Variants in SNTG1 observed in about 807,000 individuals in gnomAD.
SNTG1 encodes the protein syntrophin gamma 1.
In SNTG1, 39 loss-of-function variants were observed where a neutral mutation model predicts 74.7. The ratio of observed to expected loss-of-function variants is 0.52; its 90% CI spans 0.40 to 0.68. The LOEUF (loss-of-function observed/expected upper bound fraction) is 0.68, where lower values mean the gene tolerates loss of function less well. Among genes scored for constraint, SNTG1 ranks in the 30% least tolerant of loss-of-function variants. The pLI is 0.00. For missense variants in SNTG1, 685 were observed against 609.5 expected, an observed-to-expected ratio of 1.12 and a Z score of -1.30; for synonymous variants, 254 against 217.1, an observed-to-expected ratio of 1.17 and a Z score of -1.49.
intron 1 of SNTG1, among the ~76,000 whole-genome samples, chr8:49,924,466 A>G (rs1305811003): frequency 6.6e-6 from 1 of 152,144 alleles, no homozygotes; most frequent in Non-Finnish European, 1.5e-5. Context: ...AATGCAGTAA[A>G]AATTTGTTTT....
intron 15 of SNTG1, among the ~76,000 whole-genome samples, chr8:50,686,878 G>A (rs1187735772): frequency 6.6e-6 from 1 of 152,014 alleles, no homozygotes; most frequent in Non-Finnish European, 1.5e-5. Context: ...GCTCACGCCT[G>A]TAATCCCAGC....
At chr8:50,145,306 A>G (rs1178942934) in intron 1 of SNTG1, among the ~76,000 whole-genome samples, 1 of 152,196 alleles carries the variant, frequency 6.6e-6, no homozygotes, top group Non-Finnish European at 1.5e-5. Flanking sequence ...AAATCTATAT[A>G]CAAATATATA....
At chr8:50,133,228 A>T (rs1276763666) in intron 1 of SNTG1, among the ~76,000 whole-genome samples, 1 of 152,168 alleles carries the variant, frequency 6.6e-6, no homozygotes, top group African/African-American at 2.4e-5. Context: ...CTGACACTTT[A>T]TACCAAGTAT....
intron 9 of SNTG1, among the ~76,000 whole-genome samples, chr8:50,507,036 T>C (rs1185744789): frequency 1.3e-5 from 2 of 152,254 alleles, no homozygotes; most frequent in East Asian, 3.9e-4. Flanking sequence ...TGTGAAAATA[T>C]TGAATTTGGC....
rs143549361 is a variant in SNTG1, at chr8:50,247,727, T to A, written c.-28+75092T>A. 3.9e-5 allele frequency among the ~76,000 whole-genome samples: 6 copies of A among 152,138 alleles called. No individual in the cohort carries two copies. The East Asian group carries it at 1.2e-3, about 29-fold the overall frequency. On this transcript the variant is annotated intron_variant, in intron 2 of 18. Transcript: ENST00000642720. ...TTTGTAGAGACTGGGTCTTGTCACG[T>A]TGCCCAGACTGGTCTTGAAGTCCTG... is the stretch of plus-strand genomic sequence containing the variant.
chr8:50,704,028 T>C (rs954503518), intron 15 of SNTG1, among the ~76,000 whole-genome samples: 2 of 152,222 alleles, frequency 1.3e-5, no homozygotes, highest in African/African-American at 2.4e-5. Flanking sequence ...AGTTGAAAAC[T>C]TCTGGTAAGA....
intron 1 of SNTG1, among the ~76,000 whole-genome samples, chr8:50,055,915 G>A (rs1472899268): frequency 1.3e-5 from 2 of 152,022 alleles, no homozygotes; most frequent in African/African-American, 4.8e-5. Flanking sequence ...ATATGTTGCT[G>A]TCTTTTTATT....
At chr8:50,030,080 T>G (rs2130746793) in intron 1 of SNTG1, among the ~76,000 whole-genome samples, 1 of 152,302 alleles carries the variant, frequency 6.6e-6, no homozygotes, top group Admixed American at 6.5e-5. Context: ...AGTTTTCTTT[T>G]GCATTTCTCT....
At chr8:50,706,142 A>G (rs1040424768) in intron 16 of SNTG1, among the ~76,000 whole-genome samples, 3 of 152,188 alleles carry the variant, frequency 2.0e-5, no homozygotes, top group African/African-American at 7.2e-5. Flanking sequence ...GAAAACTCCA[A>G]TTATAGTTTT....
intron 13 of SNTG1, among the ~76,000 whole-genome samples, chr8:50,602,822 T>C (rs1601126): frequency 0.83 from 126,400 of 151,868 alleles, 53,141 homozygotes; most frequent in African/African-American, 0.94. Flanking sequence ...TTAAACATGC[T>C]GTGCTAGCCT....
Position 50,701,620 on chromosome 8 carries a change from T to TCTTCTTCTTCTTCTTCTTCTTCC in SNTG1, c.1039-2980_1039-2979insCTTCTTCTTCTTCTTCTTCTTCC, listed in dbSNP as rs1322898761. On this transcript the variant is annotated intron_variant, in intron 15 of 18. Transcript: ENST00000642720. ...TTCTTCTTCTTCTTCTTCTTCTTCGTGTTCCTCTTCCTCTTCTTCTTCCTC... is the reference window on the plus strand; with the variant it reads ...TTCTTCTTCTTCTTCTTCTTCTTCGTCTTCTTCTTCTTCTTCTTCTTCCGTTCCTCTTCCTCTTCTTCTTCCTC... Among the ~76,000 whole-genome samples the TCTTCTTCTTCTTCTTCTTCTTCC allele has an allele frequency of 4.6e-5, 4 of 86,372 alleles. No homozygotes were observed. In the East Asian group the frequency reaches 1.4e-3, roughly 30 times the overall value. The allele number at this position is 86,372 out of a possible 152,430, so 56.7% of individuals were successfully genotyped here.
intron 8 of SNTG1, among the ~76,000 whole-genome samples, chr8:50,476,857 GACACACAC>G (rs59121229): frequency 6.9e-6 from 1 of 145,858 alleles, no homozygotes; most frequent in African/African-American, 2.5e-5. Flanking sequence ...GACACACACA[GACACACAC>G]ACACACACAC....
chr8:50,061,035 G>A (rs997043255), intron 1 of SNTG1, among the ~76,000 whole-genome samples: 1 of 152,014 alleles, frequency 6.6e-6, no homozygotes, highest in Non-Finnish European at 1.5e-5. Flanking sequence ...TCTGTCTTTG[G>A]TGTTGCTACC....
intron 12 of SNTG1, among the ~76,000 whole-genome samples, chr8:50,585,883 C>T (rs1236406903): frequency 6.6e-6 from 1 of 152,112 alleles, no homozygotes; most frequent in Non-Finnish European, 1.5e-5. Flanking sequence ...TTGCCAGTAT[C>T]TTTATATTGA....
At chr8:50,150,190 T>C (rs529645573) in intron 1 of SNTG1, among the ~76,000 whole-genome samples, 3 of 152,326 alleles carry the variant, frequency 2.0e-5, no homozygotes, top group African/African-American at 7.2e-5. Flanking sequence ...TTTGGTTCTC[T>C]GTTTGTCTGT....
intron 2 of SNTG1, among the ~76,000 whole-genome samples, chr8:50,345,299 A>G (rs1331449608): frequency 2.0e-5 from 3 of 152,192 alleles, no homozygotes; most frequent in Admixed American, 1.3e-4. Flanking sequence ...TTACTAGCCC[A>G]TAGATATTCT....
chr8:50,364,447 TTTTC>T (rs1184148647), intron 2 of SNTG1, among the ~76,000 whole-genome samples: 2 of 152,154 alleles, frequency 1.3e-5, no homozygotes, highest in African/African-American at 4.8e-5. Flanking sequence ...CATGGGCTCT[TTTTC>T]TTTCTTTTTC....
intron 2 of SNTG1, among the ~76,000 whole-genome samples, chr8:50,237,469 C>A (rs1248262699): frequency 6.6e-6 from 1 of 152,106 alleles, no homozygotes; most frequent in Non-Finnish European, 1.5e-5. Context: ...TTTGAGATGA[C>A]ATTCACTTAT....
chr8:50,772,519 C>T (rs1018915954), intron 18 of SNTG1, among the ~76,000 whole-genome samples: 3 of 152,098 alleles, frequency 2.0e-5, no homozygotes, highest in African/African-American at 7.2e-5. Context: ...GGAACTTGCC[C>T]TGAGTCTCAA....
Sources: gnomAD v4.1 joint callset for allele counts (sites outside exome capture counted in the v4.1 genomes callset) on GRCh38, gnomAD v4.1.1 for gene constraint, MANE v1.5 for transcripts, NCBI Gene and HGNC (gene_info 2026-07-23, HGNC 2026-07-21) for gene names.